The following KRT79 variants were observed in gnomAD, a reference collection of about 807,000 sequenced individuals.
KRT79 encodes keratin, type II cytoskeletal 79.
In KRT79, 51 loss-of-function variants were observed where a neutral mutation model predicts 49.0. The ratio of observed to expected loss-of-function variants is 1.04; its 90% confidence interval spans 0.83 to 1.31. The LOEUF (loss-of-function observed/expected upper bound fraction) is 1.31, where lower values mean the gene tolerates loss of function less well. KRT79 is among the 40% of genes most tolerant of loss of function. The pLI, the probability that KRT79 is intolerant of heterozygous loss-of-function variation, is 0.00. For missense variants in KRT79, 728 were observed against 688.0 expected, an observed-to-expected ratio of 1.06 and a Z score of -0.65; for synonymous variants, 312 against 286.6, an observed-to-expected ratio of 1.09 and a Z score of -0.90.
chr12:52,830,602 T>C (rs549862349), intron 2 of KRT79: 7 of 340,200 alleles, frequency 2.1e-5, no homozygotes, highest in African/African-American at 1.2e-4. Context: ...GTGTCAACAG[T>C]GGCTGACCTT....
In KRT79 at chr12:52,821,619, G is replaced by A. The variant is rs372266125; in HGVS notation, c.*253C>T. The A allele has an allele frequency of 1.2e-3, 341 of 287,356 alleles. No homozygotes were observed. The highest frequency in any genetic ancestry group is 9.6e-3 in the South Asian group (76 of 7,898). The allele number at this position is 287,356 out of a possible 1,614,324, so 17.8% of individuals were successfully genotyped here. A position where few individuals can be genotyped will look rare whatever the true frequency, so the allele number is the denominator to read the frequency against. On this transcript the variant is annotated 3_prime_UTR_variant, in exon 9 of 9. Coordinates refer to ENST00000330553, the MANE Select transcript of KRT79 (RefSeq NM_175834.3). ...TCAGCCTCCTCTCGGTGGTCAAAAGGTCACCCCCAAGTCACCCAAGCACAT... is the reference window on the plus strand; with the variant it reads ...TCAGCCTCCTCTCGGTGGTCAAAAGATCACCCCCAAGTCACCCAAGCACAT...
chr12:52,833,746 T>C (rs1330795992), intron 1 of KRT79, 38 bp downstream of exon 1: 9 of 1,550,610 alleles, frequency 5.8e-6, no homozygotes, highest in Non-Finnish European at 8.0e-6. Flanking sequence ...TCCCGCTTCT[T>C]CCCCAAGAGC....
Position 52,830,248 on chromosome 12 carries a change from A to G in KRT79, c.743T>C (p.Phe248Ser). Residue 248 changes from phenylalanine (F) to serine (S), a missense_variant, in exon 3 of 9, where the codon TTT (phenylalanine) becomes TCT (serine). By Grantham distance (155) the Phe-to-Ser change is radical. Transcript: ENST00000330553. The part of the protein sequence containing the change: ...INKHTAAENE[F>S]VVLKKDVDAA... ...TCGGCTCACCTTCTTGAGCACCACAAACTCGTTCTCTGCAGCAGTGTGCTT... is the reference window on the plus strand; with the variant it reads ...TCGGCTCACCTTCTTGAGCACCACAGACTCGTTCTCTGCAGCAGTGTGCTT... 5.6e-6 allele frequency: 9 copies of G among 1,614,084 alleles called. No homozygotes were observed. The highest frequency in any genetic ancestry group is 2.2e-5 in the East Asian group (1 of 44,866).
chr12:52,821,993 GC>G lies in KRT79; in HGVS notation c.1486del (p.Ala496ProfsTer43), dbSNP rs746321620. 8.7e-6 allele frequency: 14 copies of G among 1,613,942 alleles called. No homozygotes were observed. The highest frequency in any genetic ancestry group is 3.3e-5 in the Admixed American group (2 of 60,002). ...ATTTGTGCTGAATCCACCCTTGGTG[GC>G]CCCCCCACTCCCACCCAGGGAGATG... ...GGISLGGSGG[A>X]TKGGFSTNVG... On this transcript the variant is annotated frameshift_variant, in exon 9 of 9. Transcript: ENST00000330553. LOFTEE classifies it high-confidence loss of function.
At chr12:52,822,244 T>C (rs1940101823) in intron 8 of KRT79, 101 bp downstream of exon 8, 3 of 1,358,530 alleles carry the variant, frequency 2.2e-6, no homozygotes, top group Non-Finnish European at 1.0e-6. Context: ...GGGGCTCGAA[T>C]GGAGGAGAGC....
At chr12:52,827,249 G>T (rs146811021) in intron 4 of KRT79, among the ~76,000 whole-genome samples, 1 of 151,766 alleles carries the variant, frequency 6.6e-6, no homozygotes, top group African/African-American at 2.4e-5. Flanking sequence ...ATGTGCCTTT[G>T]CACCTGTGCC....
At chr12:52,822,238 C>T (rs768002157) in intron 8 of KRT79, 107 bp downstream of exon 8, 1 of 1,336,944 alleles carries the variant, frequency 7.5e-7, no homozygotes, top group Middle Eastern at 1.8e-4. Flanking sequence ...TCTCCAGGGG[C>T]TCGAATGGAG....
chr12:52,821,618 G>GCAGT lies in KRT79; in HGVS notation c.*253_*254insACTG. ...TTCAGCCTCCTCTCGGTGGTCAAAA[G>GCAGT]GTCACCCCCAAGTCACCCAAGCACA... On this transcript the variant is annotated 3_prime_UTR_variant, in exon 9 of 9. Transcript: ENST00000330553. The GCAGT allele has an allele frequency of 3.3e-6, 1 of 305,762 alleles. No individual in the cohort carries two copies. Among genetic ancestry groups the GCAGT allele is most frequent in the Non-Finnish European group, 5.7e-6 (1 of 175,254 alleles). 18.9% of individuals were successfully genotyped at this position (305,762 alleles called of 1,614,324 possible). A position where few individuals can be genotyped will look rare whatever the true frequency, so the allele number is the denominator to read the frequency against.
intron 2 of KRT79, 105 bp downstream of exon 2, chr12:52,831,301 T>A: frequency 9.8e-7 from 1 of 1,020,146 alleles, no homozygotes; most frequent in Non-Finnish European, 1.5e-6. Context: ...TGTCTGTGCA[T>A]CCCCCAGGTG....
intron 4 of KRT79, among the ~76,000 whole-genome samples, chr12:52,826,890 G>A (rs1940183185): frequency 6.6e-6 from 1 of 152,184 alleles, no homozygotes. Flanking sequence ...AGCCCATGAG[G>A]CAGCAACAGA....
intron 4 of KRT79, among the ~76,000 whole-genome samples, chr12:52,827,739 C>G (rs561879400): frequency 6.6e-6 from 1 of 152,158 alleles, no homozygotes; most frequent in East Asian, 1.9e-4. Context: ...TACAGAAGAT[C>G]CAGGAAAGGC....
In KRT79 at chr12:52,821,695, G is replaced by A; in HGVS notation, c.*177C>T. ...CCCTCCCATCCTACTGCAGGACCAA[G>A]GAGAAAACCTGAGTAGATTTGAGCG... On this transcript the variant is annotated 3_prime_UTR_variant, in exon 9 of 9. Coordinates refer to ENST00000330553, the MANE Select transcript of KRT79 (RefSeq NM_175834.3). 1 of 631,172 alleles carries A rather than the reference G, an allele frequency of 1.6e-6. No individual in the cohort carries two copies. Among genetic ancestry groups the A allele is most frequent in the Non-Finnish European group, 2.8e-6 (1 of 361,122 alleles). The allele number at this position is 631,172 out of a possible 1,614,324, so 39.1% of individuals were successfully genotyped here.
intron 2 of KRT79, 85 bp from the exon 3 acceptor site, chr12:52,830,377 A>G (rs1940235548): frequency 8.8e-7 from 1 of 1,137,180 alleles, no homozygotes. Context: ...AGAAGCCCTG[A>G]TGGGTCCCTC....
intron 2 of KRT79, 178 bp from the exon 3 acceptor site, chr12:52,830,470 T>G: frequency 1.7e-6 from 1 of 592,502 alleles, no homozygotes; most frequent in East Asian, 2.8e-5. Flanking sequence ...GATTTAAACA[T>G]TCTCTCTCCC....
At chr12:52,830,993 A>G (rs976698789) in intron 2 of KRT79, among the ~76,000 whole-genome samples, 1 of 152,176 alleles carries the variant, frequency 6.6e-6, no homozygotes, top group Non-Finnish European at 1.5e-5. Context: ...CTTGTAAAAT[A>G]TTAGTGAATG....
intron 1 of KRT79, among the ~76,000 whole-genome samples, chr12:52,832,943 C>T (rs1056385476): frequency 9.2e-5 from 14 of 152,190 alleles, no homozygotes; most frequent in African/African-American, 3.1e-4. Context: ...AAGGGATGTG[C>T]ATGTTCTTCG....
intron 6 of KRT79, 46 bp from the exon 7 acceptor site, chr12:52,823,282 C>T (rs754269903): frequency 1.3e-6 from 2 of 1,491,854 alleles, no homozygotes; most frequent in South Asian, 2.3e-5. Flanking sequence ...GGGGTCATCC[C>T]ATTCATCTCT....
In KRT79 at chr12:52,834,080, T is replaced by C. The variant is rs1345226128; in HGVS notation, c.181A>G (p.Ser61Gly). The stretch of plus-strand genomic sequence containing the variant: ...TTGTGGCCCCCCAAGTTATAGAGGC[T>C]TCGGCTGCCAAAGCCACCTGTGCCG... ...GPGTGGFGSR[S>G]LYNLGGHKSI... is the part of the protein sequence containing the mutation. The change falls in exon 1 of 9, where the codon AGC (serine) becomes GGC (glycine). Residue 61 changes from serine to glycine, a missense_variant. Coordinates refer to ENST00000330553, the MANE Select transcript of KRT79 (RefSeq NM_175834.3). 6.2e-7 allele frequency: 1 copy of C among 1,613,316 alleles called. No individual in the cohort carries two copies. Among genetic ancestry groups the C allele is most frequent in the African/African-American group, 1.3e-5 (1 of 75,002 alleles).
rs1362243702 is a variant in KRT79, at chr12:52,828,798, A to G, written c.855+1225T>C. Reference sequence around the variant, plus strand: ...GCATCAATAGAAGTTTGTATCTGGAACCTCCCTCCCCACCCCTCCATCTTC... The same window carrying G: ...GCATCAATAGAAGTTTGTATCTGGAGCCTCCCTCCCCACCCCTCCATCTTC... On this transcript the variant is annotated intron_variant, in intron 4 of 8. Coordinates refer to ENST00000330553, the MANE Select transcript of KRT79 (RefSeq NM_175834.3). Among the ~76,000 whole-genome samples, 4 of 152,092 alleles carry G rather than the reference A, an allele frequency of 2.6e-5. No homozygotes were observed. In the East Asian group the frequency reaches 7.7e-4, roughly 29 times the overall value.
Sources: gnomAD v4.1 joint callset for allele counts (sites outside exome capture counted in the v4.1 genomes callset) on GRCh38, gnomAD v4.1.1 for gene constraint, MANE v1.5 for transcripts, NCBI Gene and HGNC (gene_info 2026-07-23, HGNC 2026-07-21) for gene names.